Variants in ADK observed in about 807,000 individuals in gnomAD.
ADK encodes the protein N6,N6-dimethyladenosine kinase.
Under a neutral mutation model 44.7 loss-of-function variants are expected in ADK, and 24 were observed. That is an observed-to-expected ratio of 0.54 (90% CI 0.39 to 0.76). The LOEUF (loss-of-function observed/expected upper bound fraction) is 0.76. ADK is among the 30% of genes least tolerant of loss of function. ADK has a pLI of 0.00. For synonymous variants in ADK, 128 were observed against 142.6 expected (o/e 0.90, Z 0.73); for missense variants, 321 against 425.1 (o/e 0.76, Z 2.15).
chr10:74,435,115 T>C (rs529115902), intron 6 of ADK, among the ~76,000 whole-genome samples: 1 of 152,282 alleles, frequency 6.6e-6, no homozygotes, highest in South Asian at 2.1e-4. Context: ...AGGGAAGGTT[T>C]GCTTAAAGAT....
intron 4 of ADK, among the ~76,000 whole-genome samples, chr10:74,366,727 C>T (rs528772882): frequency 4.6e-5 from 7 of 151,928 alleles, no homozygotes; most frequent in South Asian, 2.1e-4. Context: ...TCTAGGAGTT[C>T]GAGATTAGCC....
At chr10:74,276,485 A>G (rs995594123) in intron 3 of ADK, among the ~76,000 whole-genome samples, 2 of 152,252 alleles carry the variant, frequency 1.3e-5, no homozygotes, top group African/African-American at 2.4e-5. Flanking sequence ...ACACAAATTT[A>G]GCAGCTTTAA....
chr10:74,544,252 G>C (rs934694249), intron 7 of ADK, among the ~76,000 whole-genome samples: 3 of 152,128 alleles, frequency 2.0e-5, no homozygotes, highest in African/African-American at 7.2e-5. Context: ...TTTCTGACCG[G>C]AAGTTCCAAT....
intron 9 of ADK, among the ~76,000 whole-genome samples, chr10:74,662,876 C>G (rs1854793596): frequency 6.6e-6 from 1 of 152,138 alleles, no homozygotes; most frequent in Non-Finnish European, 1.5e-5. Flanking sequence ...AATTAACTCC[C>G]CTCCCTTGTC....
chr10:74,500,332 A>G (rs1366801334), intron 6 of ADK, among the ~76,000 whole-genome samples: 2 of 152,156 alleles, frequency 1.3e-5, no homozygotes, highest in African/African-American at 2.4e-5. Flanking sequence ...CCTTTTTGCC[A>G]TCTTCGTGAA....
Position 74,270,162 on chromosome 10 carries a change from T to G in ADK, c.195-44505T>G, listed in dbSNP as rs77897419. The stretch of plus-strand genomic sequence containing the variant: ...TATTTTGAAGAATAAAGCAAGTGAT[T>G]AAACATGTGAAAAGTAATGTGCCTA... On this transcript the variant is annotated intron_variant, in intron 3 of 10. Coordinates refer to ENST00000539909, the MANE Select transcript of ADK (RefSeq NM_006721.4). 4.7e-3 allele frequency among the ~76,000 whole-genome samples: 709 copies of G among 152,300 alleles called. 11 individuals carry two copies. In the East Asian group the frequency reaches 0.057, roughly 12 times the overall value.
chr10:74,227,960 T>C (rs1038785741), intron 3 of ADK, among the ~76,000 whole-genome samples: 1 of 152,120 alleles, frequency 6.6e-6, no homozygotes, highest in Non-Finnish European at 1.5e-5. Context: ...CAGTGAACCA[T>C]GATCATTCCA....
intron 4 of ADK, among the ~76,000 whole-genome samples, chr10:74,387,995 C>T (rs1008516368): frequency 2.6e-5 from 4 of 152,100 alleles, no homozygotes; most frequent in Non-Finnish European, 4.4e-5. Context: ...GCAACCTCCA[C>T]CTCCTGGGTT....
intron 1 of ADK, among the ~76,000 whole-genome samples, chr10:74,152,799 T>G (rs946426045): frequency 6.6e-5 from 10 of 152,216 alleles, no homozygotes; most frequent in African/African-American, 2.4e-4. Flanking sequence ...TGAGCATGTT[T>G]TCTTATACCT....
intron 10 of ADK, among the ~76,000 whole-genome samples, chr10:74,672,723 A>C (rs577478106): frequency 1.0e-3 from 155 of 152,338 alleles, no homozygotes; most frequent in Non-Finnish European, 1.7e-3. Flanking sequence ...AGTAATAGCA[A>C]TAGATAACTT....
chr10:74,506,888 TTGTC>T (rs1848096924), intron 6 of ADK, among the ~76,000 whole-genome samples: 2 of 152,342 alleles, frequency 1.3e-5, no homozygotes, highest in South Asian at 2.1e-4. Flanking sequence ...GCTACACAGT[TTGTC>T]TGTAGAGTAT....
intron 7 of ADK, among the ~76,000 whole-genome samples, chr10:74,565,746 A>AC (rs1850643527): frequency 6.6e-6 from 1 of 151,668 alleles, no homozygotes; most frequent in East Asian, 1.9e-4. Context: ...AAAAAAAAAA[A>AC]AAACCATGAA....
chr10:74,297,933 TTCA>T (rs1367125200), intron 3 of ADK, among the ~76,000 whole-genome samples: 1 of 152,142 alleles, frequency 6.6e-6, no homozygotes. Context: ...GCAGTTATAA[TTCA>T]ACAGTGTTTC....
intron 3 of ADK, among the ~76,000 whole-genome samples, chr10:74,243,331 A>G (rs1845297533): frequency 6.6e-6 from 1 of 152,152 alleles, no homozygotes. Flanking sequence ...GGCGTGAGTA[A>G]ACTGTCGCCC....
chr10:74,645,868 C>T (rs1241187490), intron 9 of ADK, among the ~76,000 whole-genome samples: 1 of 152,016 alleles, frequency 6.6e-6, no homozygotes, highest in Non-Finnish European at 1.5e-5. Flanking sequence ...TGCATTTTTT[C>T]GATATTATCA....
intron 7 of ADK, among the ~76,000 whole-genome samples, chr10:74,547,569 C>A (rs1160853610): frequency 6.7e-6 from 1 of 150,266 alleles, no homozygotes; most frequent in Non-Finnish European, 1.5e-5. Flanking sequence ...GCAACCTCCA[C>A]CTCCTGGATT....
At chr10:74,476,811 C>A (rs1364377396) in intron 6 of ADK, among the ~76,000 whole-genome samples, 2 of 152,146 alleles carry the variant, frequency 1.3e-5, no homozygotes, top group Admixed American at 1.3e-4. Context: ...CTTCCACCTG[C>A]CAACCATGGG....
intron 4 of ADK, among the ~76,000 whole-genome samples, chr10:74,369,943 T>C (rs1842608155): frequency 6.6e-6 from 1 of 152,188 alleles, no homozygotes; most frequent in Non-Finnish European, 1.5e-5. Context: ...GCTTGCAGAA[T>C]ATAAGATCAG....
intron 9 of ADK, among the ~76,000 whole-genome samples, chr10:74,663,161 G>A (rs1445568000): frequency 6.6e-6 from 1 of 151,566 alleles, no homozygotes; most frequent in Non-Finnish European, 1.5e-5. Context: ...CCTGAACCCA[G>A]GAGGTGGAGG....
Sources: gnomAD v4.1 joint callset for allele counts (sites outside exome capture counted in the v4.1 genomes callset) on GRCh38, gnomAD v4.1.1 for gene constraint, MANE v1.5 for transcripts, NCBI Gene and HGNC (gene_info 2026-07-23, HGNC 2026-07-21) for gene names.